The following ASAP3 variants were observed in gnomAD, a reference collection of about 807,000 sequenced individuals.
ASAP3 encodes the protein ArfGAP with SH3 domain, ankyrin repeat and PH domain 3, also known as arf-GAP with SH3 domain, ANK repeat and PH domain-containing protein 3.
A neutral mutation model predicts 118.2 loss-of-function variants in ASAP3; 85 were observed. The observed-to-expected ratio is 0.72, with a 90% confidence interval of 0.60 to 0.86. The LOEUF (loss-of-function observed/expected upper bound fraction) is 0.86, where lower values mean the gene tolerates loss of function less well. Ranked by LOEUF, ASAP3 falls within the 40% of genes least tolerant of loss-of-function variation. The probability of loss-of-function intolerance (pLI) is 0.00; values close to 1 mark genes in which losing one functional copy is unlikely to be tolerated. For synonymous variants in ASAP3, 432 were observed against 477.4 expected (o/e 0.90, Z 1.24); for missense variants, 1,026 against 1,175.0 (o/e 0.87, Z 1.85).
Position 23,437,584 on chromosome 1 carries a change from G to T in ASAP3, c.1103-112C>A. 1 of 1,332,456 alleles carries T rather than the reference G, an allele frequency of 7.5e-7. No homozygotes were observed. The highest frequency in any genetic ancestry group is 1.0e-6 in the Non-Finnish European group (1 of 961,662). 82.5% of individuals were successfully genotyped at this position (1,332,456 alleles called of 1,614,324 possible). On this transcript the variant is annotated intron_variant, in intron 12 of 24. Transcript: ENST00000336689. This position sits in a 1 kb window ranked among gnomAD's most constrained non-coding sequence, Gnocchi z 6.1. Reference sequence around the variant, plus strand: ...CCACATGGAGATGTGTCCCTGACAAGTCGGACTCTCAAGCTAGGAGTGGGA... The same window carrying T: ...CCACATGGAGATGTGTCCCTGACAATTCGGACTCTCAAGCTAGGAGTGGGA...
At chr1:23,451,241 G>A (rs556583041) in intron 5 of ASAP3, among the ~76,000 whole-genome samples, 1 of 152,312 alleles carries the variant, frequency 6.6e-6, no homozygotes, top group South Asian at 2.1e-4. Flanking sequence ...GCACCACTGA[G>A]CAGATGGGAC....
In ASAP3 at chr1:23,481,251, A is replaced by G. The variant is rs983720805; in HGVS notation, c.129+2754T>C. Among the ~76,000 whole-genome samples, 8 of 152,154 alleles carry G rather than the reference A, an allele frequency of 5.3e-5. No individual in the cohort carries two copies. In the East Asian group the frequency reaches 1.5e-3, roughly 29 times the overall value. On this transcript the variant is annotated intron_variant, in intron 1 of 24. Transcript: ENST00000336689. ...AGGGTCCTTCCCAGCAGGACTGTACAAAAGGGCTGCGAGTCCCAGGACAGG... is the reference window on the plus strand; with the variant it reads ...AGGGTCCTTCCCAGCAGGACTGTACGAAAGGGCTGCGAGTCCCAGGACAGG...
intron 1 of ASAP3, among the ~76,000 whole-genome samples, chr1:23,473,244 C>T (rs192227862): frequency 1.9e-3 from 297 of 152,330 alleles, no homozygotes; most frequent in African/African-American, 5.8e-3. Flanking sequence ...CCAGGCCTCG[C>T]CCCTGGGAGA....
chr1:23,431,704 GA>G lies in ASAP3; in HGVS notation c.2537del (p.Val846AlafsTer145). On this transcript the variant is annotated frameshift_variant, in exon 23 of 25. Coordinates refer to ENST00000336689, the MANE Select transcript of ASAP3 (RefSeq NM_017707.4). LOFTEE classifies it high-confidence loss of function. ...GTTPSEMYLP[V>X]RFSSESTRSY... The stretch of plus-strand genomic sequence containing the variant: ...GCTGGGCCCTCACCAACCTGAATCT[GA>G]CGGGGAGGTACATCTCCGAAGGGGT... The G allele has an allele frequency of 6.6e-7, 1 of 1,524,948 alleles. No individual in the cohort carries two copies. Among genetic ancestry groups the G allele is most frequent in the Non-Finnish European group, 8.7e-7 (1 of 1,142,886 alleles). The allele number at this position is 1,524,948 out of a possible 1,614,324, so 94.5% of individuals were successfully genotyped here. A position where few individuals can be genotyped will look rare whatever the true frequency, so the allele number is the denominator to read the frequency against.
rs1321902335 is a variant in ASAP3 at position 23,429,762 on chromosome 1, G to A, written c.*94C>T. 6.3e-6 allele frequency: 8 copies of A among 1,276,882 alleles called. No homozygotes were observed. Among genetic ancestry groups the A allele is most frequent in the Non-Finnish European group, 7.7e-6 (7 of 913,110 alleles). The allele number at this position is 1,276,882 out of a possible 1,614,324, so 79.1% of individuals were successfully genotyped here. On this transcript the variant is annotated 3_prime_UTR_variant, in exon 25 of 25. Transcript: ENST00000336689. ...AAGGGACAGAGAGAGTGAGATCCAA[G>A]AGAACAAATGTCTCAGCTCCCCAGT... is the stretch of plus-strand genomic sequence containing the variant.
intron 1 of ASAP3, 60 bp from the exon 2 acceptor site, chr1:23,456,254 A>G (rs566071569): frequency 6.6e-7 from 1 of 1,511,670 alleles, no homozygotes; most frequent in East Asian, 2.3e-5. Context: ...TGCTTCCTTC[A>G]GGAACGCTGT....
chr1:23,458,349 G>C (rs568931718), intron 1 of ASAP3, among the ~76,000 whole-genome samples: 1 of 152,282 alleles, frequency 6.6e-6, no homozygotes, highest in Admixed American at 6.5e-5. Flanking sequence ...TTAGCTGGGT[G>C]TGGTGGGGTG....
chr1:23,447,038 C>T (rs1451606152), intron 5 of ASAP3, among the ~76,000 whole-genome samples: 1 of 152,158 alleles, frequency 6.6e-6, no homozygotes, highest in African/African-American at 2.4e-5. Context: ...CAATAGGGTT[C>T]GTGCTTCTAT....
intron 10 of ASAP3, among the ~76,000 whole-genome samples, chr1:23,440,393 C>T (rs1412523407): frequency 1.7e-4 from 23 of 138,900 alleles, no homozygotes; most frequent in Admixed American, 8.2e-4. Context: ...CCCAGCTACT[C>T]GGGAGGCTGA....
chr1:23,436,786 C>T lies in ASAP3; in HGVS notation c.1476+125G>A, dbSNP rs1168374264. 7.1e-6 allele frequency: 11 copies of T among 1,540,992 alleles called. No individual in the cohort carries two copies. In the South Asian group the frequency reaches 1.1e-4, roughly 16 times the overall value. On this transcript the variant is annotated intron_variant, in intron 15 of 24. Coordinates refer to ENST00000336689, the MANE Select transcript of ASAP3 (RefSeq NM_017707.4). The surrounding 1 kb of genome is among the most constrained non-coding windows in gnomAD (Gnocchi z 4.2). ...GGTTCAGGCCCCGCCCCTGACCACC[C>T]GCTACCTGGCTTGTCCCAGCCCACC... is the stretch of plus-strand genomic sequence containing the variant.
chr1:23,474,157 G>T (rs1642048401), intron 1 of ASAP3, among the ~76,000 whole-genome samples: 1 of 151,780 alleles, frequency 6.6e-6, no homozygotes, highest in Admixed American at 6.6e-5. Context: ...TAGTAGAGAT[G>T]GGGTTTTGCC....
chr1:23,461,491 A>T (rs1481023607), intron 1 of ASAP3, among the ~76,000 whole-genome samples: 1 of 152,036 alleles, frequency 6.6e-6, no homozygotes, highest in Admixed American at 6.6e-5. Context: ...ACATAGTGAG[A>T]GTCTGTCTCT....
chr1:23,439,573 G>A (rs2148614218), intron 10 of ASAP3, among the ~76,000 whole-genome samples: 1 of 152,262 alleles, frequency 6.6e-6, no homozygotes, highest in South Asian at 2.1e-4. Flanking sequence ...CTCCTAGTCT[G>A]AGAGGCACAG....
chr1:23,454,760 C>T (rs1356143143), intron 3 of ASAP3, among the ~76,000 whole-genome samples: 1 of 152,238 alleles, frequency 6.6e-6, no homozygotes, highest in African/African-American at 2.4e-5. Context: ...CCAACATTTA[C>T]TGAGCGCTTA....
Position 23,438,946 on chromosome 1 carries a change from T to C in ASAP3, c.1015-112A>G, listed in dbSNP as rs896200369. The C allele has an allele frequency of 1.4e-5, 17 of 1,236,618 alleles. No homozygotes were observed. The highest frequency in any genetic ancestry group is 2.4e-5 in the East Asian group (1 of 41,654). The allele number at this position is 1,236,618 out of a possible 1,614,324, so 76.6% of individuals were successfully genotyped here. ...GCATAATCATCCTGTTCCATTTGTG[T>C]TTCTCCTCACCCAGCAGCACCTCAA... On this transcript the variant is annotated intron_variant, in intron 11 of 24. Coordinates refer to ENST00000336689, the MANE Select transcript of ASAP3 (RefSeq NM_017707.4). This position sits in a 1 kb window ranked among gnomAD's most constrained non-coding sequence, Gnocchi z 4.9.
Position 23,437,119 on chromosome 1 carries a change from CGG to C in ASAP3, c.1342+9_1342+10del. The C allele has an allele frequency of 2.5e-6, 4 of 1,601,504 alleles. No homozygotes were observed. Among genetic ancestry groups the C allele is most frequent in the Non-Finnish European group, 3.4e-6 (4 of 1,173,568 alleles). On this transcript the variant is annotated intron_variant, in intron 14 of 24. Transcript: ENST00000336689. The surrounding 1 kb of genome is among the most constrained non-coding windows in gnomAD (Gnocchi z 6.1). The stretch of plus-strand genomic sequence containing the variant: ...TTAAGCCTCCCTCCTGCCCCGGCCC[CGG>C]GGACCGACCTGCAGCCCCGCAGTCG...
chr1:23,454,146 G>A (rs10917382), intron 3 of ASAP3, among the ~76,000 whole-genome samples: 96,521 of 150,350 alleles, frequency 0.64, 35,372 homozygotes, highest in Non-Finnish European at 0.81. Flanking sequence ...TCAGCATCCC[G>A]AGTAGCTGGG....
chr1:23,463,489 T>G (rs1213868678), intron 1 of ASAP3, among the ~76,000 whole-genome samples: 1 of 152,232 alleles, frequency 6.6e-6, no homozygotes, highest in Non-Finnish European at 1.5e-5. Flanking sequence ...CAGAGTGCTA[T>G]GATGAGTCAG....
rs182941466 is a variant in ASAP3, at chr1:23,452,934, C to T, written c.349-163G>A. Among the ~76,000 whole-genome samples, 283 of 152,102 alleles carry T rather than the reference C, an allele frequency of 1.9e-3. 9 individuals are homozygous for T. The highest frequency in any genetic ancestry group is 0.018 in the Admixed American group (278 of 15,246). ...AGAGATGACAGCCAAGTAAGGGGGACCGTCATGGCAGGAGTGCTGAGCCTG... is the reference window on the plus strand; with the variant it reads ...AGAGATGACAGCCAAGTAAGGGGGATCGTCATGGCAGGAGTGCTGAGCCTG... On this transcript the variant is annotated intron_variant, in intron 3 of 24. Coordinates refer to ENST00000336689, the MANE Select transcript of ASAP3 (RefSeq NM_017707.4).
Sources: allele counts gnomAD v4.1 joint callset (sites outside exome capture counted in the v4.1 genomes callset), GRCh38; gene constraint gnomAD v4.1.1; non-coding constraint Gnocchi (gnomAD v3.1); transcripts MANE v1.5; gene names NCBI Gene and HGNC (gene_info 2026-07-23, HGNC 2026-07-21).